The following PDGFD variants were observed in gnomAD, a reference collection of about 807,000 sequenced individuals.
PDGFD encodes the protein platelet-derived growth factor D.
Under a neutral mutation model 44.7 loss-of-function variants are expected in PDGFD, and 30 were observed. That is an observed-to-expected ratio of 0.67 (90% CI 0.50 to 0.91). The LOEUF (loss-of-function observed/expected upper bound fraction) is 0.91, where lower values mean the gene tolerates loss of function less well. Among genes scored for constraint, PDGFD ranks in the 40% least tolerant of loss-of-function variants. The pLI is 0.00. For missense variants in PDGFD, 445 were observed against 457.8 expected, an observed-to-expected ratio of 0.97 and a Z score of 0.25; for synonymous variants, 173 against 168.4, an observed-to-expected ratio of 1.03 and a Z score of -0.21.
intron 1 of PDGFD, chr11:104,036,465 A>T (rs1240906218): frequency 8.6e-6 from 2 of 233,848 alleles, no homozygotes; most frequent in Non-Finnish European, 1.7e-5. Flanking sequence ...TGTTGAAATC[A>T]TTTCTTTCAT....
intron 1 of PDGFD, among the ~76,000 whole-genome samples, chr11:104,015,165 C>T (rs1859842505): frequency 1.3e-5 from 2 of 152,202 alleles, no homozygotes; most frequent in African/African-American, 2.4e-5. Context: ...ACCAAGAATA[C>T]TTGCTTTTAA....
At chr11:104,011,664 T>C (rs963364672) in intron 1 of PDGFD, among the ~76,000 whole-genome samples, 1 of 152,080 alleles carries the variant, frequency 6.6e-6, no homozygotes, top group Non-Finnish European at 1.5e-5. Context: ...ATATTATCTT[T>C]GGTAGCATAA....
intron 1 of PDGFD, among the ~76,000 whole-genome samples, chr11:104,119,720 A>C (rs1290559835): frequency 9.5e-6 from 1 of 105,696 alleles, no homozygotes; most frequent in African/African-American, 3.9e-5. Flanking sequence ...TTATAATATA[A>C]TATATAAATA....
chr11:104,093,145 T>C (rs540660142), intron 1 of PDGFD, among the ~76,000 whole-genome samples: 1 of 152,272 alleles, frequency 6.6e-6, no homozygotes, highest in South Asian at 2.1e-4. Flanking sequence ...TTTCACAAGC[T>C]AGCAGCCCTT....
chr11:104,001,674 A>G (rs1374454277), intron 1 of PDGFD, among the ~76,000 whole-genome samples: 2 of 152,116 alleles, frequency 1.3e-5, no homozygotes, highest in Non-Finnish European at 2.9e-5. Flanking sequence ...AGTTCATTGC[A>G]TTTTGGATTT....
intron 1 of PDGFD, 67 bp downstream of exon 1, chr11:104,163,735 CAT>C: frequency 3.5e-6 from 5 of 1,441,076 alleles, no homozygotes; most frequent in Non-Finnish European, 4.6e-6. Context: ...AGGGGAAAAA[CAT>C]AGAAAGAACA....
chr11:103,920,014 C>T (rs912140122), intron 6 of PDGFD, among the ~76,000 whole-genome samples: 29 of 152,264 alleles, frequency 1.9e-4, no homozygotes, highest in Admixed American at 1.2e-3. Context: ...ATATTATTTC[C>T]TCCCTGAGTA....
intron 1 of PDGFD, among the ~76,000 whole-genome samples, chr11:104,008,686 G>A (rs891633034): frequency 1.9e-4 from 29 of 152,046 alleles, no homozygotes; most frequent in Non-Finnish European, 2.6e-4. Context: ...ACTCAAAAGT[G>A]CTGTATAATT....
chr11:104,000,951 A>G (rs1859610763), intron 1 of PDGFD, among the ~76,000 whole-genome samples: 1 of 151,422 alleles, frequency 6.6e-6, no homozygotes, highest in African/African-American at 2.5e-5. Context: ...CGTCATAGAA[A>G]TATTTTTGTT....
chr11:103,987,336 C>T (rs748895789), intron 3 of PDGFD, among the ~76,000 whole-genome samples: 2 of 152,072 alleles, frequency 1.3e-5, no homozygotes, highest in African/African-American at 4.8e-5. Flanking sequence ...GATCAATCAC[C>T]GGGAAAGGTC....
chr11:104,084,594 T>A (rs570239543), intron 1 of PDGFD, among the ~76,000 whole-genome samples: 48 of 148,256 alleles, frequency 3.2e-4, no homozygotes, highest in African/African-American at 1.2e-3. Flanking sequence ...ACTCTTTTTT[T>A]AAAAATTAAA....
At chr11:104,135,758 C>T (rs1236513684) in intron 1 of PDGFD, among the ~76,000 whole-genome samples, 1 of 152,120 alleles carries the variant, frequency 6.6e-6, no homozygotes, top group East Asian at 1.9e-4. Context: ...CTTTAGAAAA[C>T]ACTGGGATGG....
chr11:103,972,207 G>A (rs1456438550), intron 3 of PDGFD, among the ~76,000 whole-genome samples: 1 of 152,160 alleles, frequency 6.6e-6, no homozygotes, highest in African/African-American at 2.4e-5. Context: ...CTAGAGTTGG[G>A]GATGGGTGGC....
In PDGFD at chr11:104,164,033, C is replaced by A. The variant is rs1862431727; in HGVS notation, c.-106G>T. 1 of 1,300,260 alleles carries A rather than the reference C, an allele frequency of 7.7e-7. No homozygotes were observed. The highest frequency in any genetic ancestry group is 1.0e-6 in the Non-Finnish European group (1 of 978,224). 80.5% of individuals were successfully genotyped at this position (1,300,260 alleles called of 1,614,324 possible). A position where few individuals can be genotyped will look rare whatever the true frequency, so the allele number is the denominator to read the frequency against. The stretch of plus-strand genomic sequence containing the variant: ...GCTCTCGCCGCCTGCGCTCGCCCTG[C>A]GCTGGCCCGGGTCGCTGTGCTAATC... On this transcript the variant is annotated 5_prime_UTR_variant, in exon 1 of 7. Coordinates refer to ENST00000393158, the MANE Select transcript of PDGFD (RefSeq NM_025208.5).
At chr11:103,932,454 T>C (rs1858418685) in intron 5 of PDGFD, among the ~76,000 whole-genome samples, 1 of 152,208 alleles carries the variant, frequency 6.6e-6, no homozygotes, top group Non-Finnish European at 1.5e-5. Context: ...AACTATATTT[T>C]CCAATTACAA....
intron 3 of PDGFD, among the ~76,000 whole-genome samples, chr11:103,957,936 T>C (rs1300068036): frequency 2.0e-5 from 3 of 152,164 alleles, no homozygotes; most frequent in African/African-American, 4.8e-5. Flanking sequence ...CCAACCTCCA[T>C]GGTGTTTGGT....
chr11:104,022,683 A>G (rs1859978962), intron 1 of PDGFD, among the ~76,000 whole-genome samples: 1 of 152,002 alleles, frequency 6.6e-6, no homozygotes, highest in Admixed American at 6.6e-5. Context: ...ACCTTAACAA[A>G]TATTTAGAAA....
At chr11:103,973,348 C>T (rs1023656241) in intron 3 of PDGFD, among the ~76,000 whole-genome samples, 2 of 151,288 alleles carry the variant, frequency 1.3e-5, no homozygotes, top group South Asian at 2.1e-4. Flanking sequence ...GAGGTTTCAC[C>T]GTGTTAGCCG....
intron 1 of PDGFD, among the ~76,000 whole-genome samples, chr11:104,103,813 A>G (rs1829152467): frequency 6.6e-6 from 1 of 152,160 alleles, no homozygotes; most frequent in Non-Finnish European, 1.5e-5. Flanking sequence ...GTACTTGATA[A>G]TAATTATAAA....
Sources: allele counts gnomAD v4.1 joint callset (sites outside exome capture counted in the v4.1 genomes callset), GRCh38; gene constraint gnomAD v4.1.1; transcripts MANE v1.5; gene names NCBI Gene and HGNC (gene_info 2026-07-23, HGNC 2026-07-21).